Variants in GRHL1 observed in about 807,000 individuals in gnomAD.
GRHL1 encodes grainyhead-like protein 1 homolog.
In GRHL1, 38 loss-of-function variants were observed where a neutral mutation model predicts 75.7. The observed-to-expected ratio is 0.50, with a 90% CI of 0.39 to 0.66. The LOEUF is 0.66. Ranked by LOEUF, GRHL1 falls within the 30% of genes least tolerant of loss-of-function variation. GRHL1 has a pLI of 0.00. For synonymous variants in GRHL1, 266 were observed against 279.4 expected, an observed-to-expected ratio of 0.95 and a Z score of 0.48; for missense variants, 589 against 767.5, an observed-to-expected ratio of 0.77 and a Z score of 2.75.
chr2:9,952,038 C>T (rs928683115), intron 1 of GRHL1, among the ~76,000 whole-genome samples, 185 bp downstream of exon 1: 2 of 151,756 alleles, frequency 1.3e-5, no homozygotes, highest in Admixed American at 6.6e-5. Context: ...GCTCTTTGTT[C>T]GGTCGGAGCC....
At position 9,979,169 on chromosome 2, in the gene GRHL1, G is replaced by GAAAAAAAAAAAAAAAAAAAAAAAAAA. The variant is rs1313941842; in HGVS notation, c.1111-6952_1111-6951insAAAAAAAAAAAAAAAAAAAAAAAAAA. On this transcript the variant is annotated intron_variant, in intron 8 of 15. Transcript: ENST00000324907. ...TCTCTCTCAAAAAAAAAAAAAAAAG[G>GAAAAAAAAAAAAAAAAAAAAAAAAAA]AAACCTTATCCAAACTGTCATAAAG... Among the ~76,000 whole-genome samples, 61 of 74,850 alleles carry GAAAAAAAAAAAAAAAAAAAAAAAAAA rather than the reference G, an allele frequency of 8.1e-4. 1 individual carries two copies. Among genetic ancestry groups the GAAAAAAAAAAAAAAAAAAAAAAAAAA allele is most frequent in the East Asian group, 1.1e-3 (3 of 2,738 alleles). The allele number at this position is 74,850 out of a possible 152,430, so 49.1% of individuals were successfully genotyped here. A position where few individuals can be genotyped will look rare whatever the true frequency, so the allele number is the denominator to read the frequency against.
chr2:9,972,873 T>A (rs918107604), intron 8 of GRHL1, among the ~76,000 whole-genome samples: 1 of 150,036 alleles, frequency 6.7e-6, no homozygotes, highest in Non-Finnish European at 1.5e-5. Flanking sequence ...CCAGAGTGGT[T>A]TTTTTTTCTG....
At chr2:9,981,011 G>A (rs544711959) in intron 8 of GRHL1, among the ~76,000 whole-genome samples, 5 of 152,332 alleles carry the variant, frequency 3.3e-5, no homozygotes, top group African/African-American at 1.2e-4. Flanking sequence ...TTGCTCACTC[G>A]GGGCTGCCCA....
chr2:9,960,979 A>T, intron 3 of GRHL1, 67 bp from the exon 4 acceptor site: 2 of 1,298,466 alleles, frequency 1.5e-6, no homozygotes, highest in Non-Finnish European at 2.1e-6. Flanking sequence ...CAATGCCATT[A>T]GGAAAATAAA....
rs1404255927 is a variant in GRHL1, at chr2:9,993,255, T to C, written c.1499+11T>C. ...ATTGGAGGGTGAAGGGTAAGATTTA[T>C]GTTTTGTTTTGTTTTGTTTTAATAA... On this transcript the variant is annotated intron_variant, in intron 12 of 15. Coordinates refer to ENST00000324907, the MANE Select transcript of GRHL1 (RefSeq NM_198182.3). The C allele has an allele frequency of 1.3e-6, 2 of 1,590,702 alleles. No homozygotes were observed. The highest frequency in any genetic ancestry group is 1.7e-5 in the Admixed American group (1 of 59,982).
At chr2:9,985,311 G>C (rs936425824) in intron 8 of GRHL1, among the ~76,000 whole-genome samples, 1 of 152,164 alleles carries the variant, frequency 6.6e-6, no homozygotes, top group Non-Finnish European at 1.5e-5. Flanking sequence ...ACATCTGTGT[G>C]GAACTTCTTG....
rs1427496184 is a variant in GRHL1 at position 10,001,335 on chromosome 2, A to G, written c.*628A>G. On this transcript the variant is annotated 3_prime_UTR_variant, in exon 16 of 16. Coordinates refer to ENST00000324907, the MANE Select transcript of GRHL1 (RefSeq NM_198182.3). Reference sequence around the variant, plus strand: ...GAATTTTAATGGGTTACAGTATGAAATCAGTTAAGATAAAGCTGCATTGTA... The same window carrying G: ...GAATTTTAATGGGTTACAGTATGAAGTCAGTTAAGATAAAGCTGCATTGTA... 1 of 152,680 alleles carries G rather than the reference A, an allele frequency of 6.5e-6. No individual in the cohort carries two copies. The highest frequency in any genetic ancestry group is 2.4e-5 in the African/African-American group (1 of 41,472). 9.5% of individuals were successfully genotyped at this position (152,680 alleles called of 1,614,324 possible). A position where few individuals can be genotyped will look rare whatever the true frequency, so the allele number is the denominator to read the frequency against.
At chr2:9,986,932 TC>T (rs35562299) in intron 9 of GRHL1, among the ~76,000 whole-genome samples, 1 of 151,932 alleles carries the variant, frequency 6.6e-6, no homozygotes, top group Non-Finnish European at 1.5e-5. Flanking sequence ...GGTCTTGAAC[TC>T]CGGTCCTCAA....
chr2:9,980,374 A>G (rs189321123), intron 8 of GRHL1, among the ~76,000 whole-genome samples: 1 of 151,672 alleles, frequency 6.6e-6, no homozygotes, highest in East Asian at 1.9e-4. Context: ...TATGTAAATC[A>G]TTTTATTTTG....
In GRHL1 at chr2:9,951,753, G is replaced by GCCGCCT; in HGVS notation, c.-78_-73dup. ...CCGCTCCGGACCCGCAGCCGCCGCCGCCGCCTCCTCCCCCCGGATCGGGTG... is the reference window on the plus strand; with the variant it reads ...CCGCTCCGGACCCGCAGCCGCCGCCGCCGCCTCCGCCTCCTCCCCCCGGATCGGGTG... On this transcript the variant is annotated 5_prime_UTR_variant, in exon 1 of 16. Transcript: ENST00000324907. This position sits in a 1 kb window ranked among gnomAD's most constrained non-coding sequence, Gnocchi z 4.2. 4 of 1,335,468 alleles carry GCCGCCT rather than the reference G, an allele frequency of 3.0e-6. No individual in the cohort carries two copies. Among genetic ancestry groups the GCCGCCT allele is most frequent in the Non-Finnish European group, 4.0e-6 (4 of 990,086 alleles). 82.7% of individuals were successfully genotyped at this position (1,335,468 alleles called of 1,614,324 possible).
intron 8 of GRHL1, among the ~76,000 whole-genome samples, chr2:9,984,850 T>C (rs956320861): frequency 6.6e-6 from 1 of 151,330 alleles, no homozygotes; most frequent in Admixed American, 6.6e-5. Context: ...TTGCTTGAGC[T>C]CAGGAGTTGG....
At chr2:9,975,603 C>T (rs950352405) in intron 8 of GRHL1, among the ~76,000 whole-genome samples, 3 of 151,928 alleles carry the variant, frequency 2.0e-5, no homozygotes, top group Non-Finnish European at 4.4e-5. Flanking sequence ...ACAGGCCGGG[C>T]GCGGTGGCTC....
At position 9,963,907 on chromosome 2, in the gene GRHL1, A is replaced by G. The variant is rs1268265338; in HGVS notation, c.768A>G (p.Leu256=). ...SVSGNNFEYT[L]EASKSLRQKP... ...TTAGGAACAACTTTGAATATACCCT[A>G]GAAGCTTCAAAATCACTTCGACAGA... Residue 256 remains leucine (L), a synonymous_variant, in exon 6 of 16, where the codon CTA becomes CTG. Transcript: ENST00000324907. The G allele has an allele frequency of 3.7e-6, 6 of 1,613,382 alleles. No homozygotes were observed. The highest frequency in any genetic ancestry group is 1.1e-5 in the South Asian group (1 of 91,066).
chr2:9,992,552 A>T lies in GRHL1; in HGVS notation c.1461+406A>T, dbSNP rs1668687895. 6.6e-6 allele frequency among the ~76,000 whole-genome samples: 1 copy of T among 152,182 alleles called. No individual in the cohort carries two copies. Among genetic ancestry groups the T allele is most frequent in the Non-Finnish European group, 1.5e-5 (1 of 68,032 alleles). On this transcript the variant is annotated intron_variant, in intron 11 of 15. Transcript: ENST00000324907. The surrounding 1 kb of genome is among the most constrained non-coding windows in gnomAD (Gnocchi z 4.6). ...ATCCGAAGGCTTTTCTCACAGTTCC[A>T]GTTACTGAGCCGTCCTTGCCACGTG...
At chr2:9,954,864 C>A in intron 1 of GRHL1, 51 bp from the exon 2 acceptor site, 1 of 1,394,928 alleles carries the variant, frequency 7.2e-7, no homozygotes, top group Non-Finnish European at 1.0e-6. Context: ...GCTTATGATA[C>A]CTTGCAGTAG....
chr2:9,976,308 G>T (rs1162264683), intron 8 of GRHL1, among the ~76,000 whole-genome samples: 3 of 152,170 alleles, frequency 2.0e-5, no homozygotes, highest in Non-Finnish European at 2.9e-5. Flanking sequence ...CTCGGCGGGG[G>T]TGGTGGTGGG....
In GRHL1 at chr2:9,999,081, A is replaced by G. The variant is rs776692519; in HGVS notation, c.1742+52A>G. The G allele has an allele frequency of 4.4e-6, 4 of 912,902 alleles. No individual in the cohort carries two copies. In the South Asian group the frequency reaches 4.8e-5, roughly 11 times the overall value. 56.6% of individuals were successfully genotyped at this position (912,902 alleles called of 1,614,324 possible). The stretch of plus-strand genomic sequence containing the variant: ...CTCGGAAAGTGCTGATGCCCCCCGC[A>G]GTGCTAGTGTGACGCACCCCCCAGT... On this transcript the variant is annotated intron_variant, in intron 15 of 15. Coordinates refer to ENST00000324907, the MANE Select transcript of GRHL1 (RefSeq NM_198182.3).
Position 10,000,770 on chromosome 2 carries a change from C to T in GRHL1, c.*63C>T. ...GGTGTTTCTAGATCTTACGGTTTGG[C>T]AACTGCAGGTAACCCCAGTCAGCCA... On this transcript the variant is annotated 3_prime_UTR_variant, in exon 16 of 16. Transcript: ENST00000324907. 2 of 883,944 alleles carry T rather than the reference C, an allele frequency of 2.3e-6. No individual in the cohort carries two copies. Among genetic ancestry groups the T allele is most frequent in the Non-Finnish European group, 3.8e-6 (2 of 533,316 alleles). The allele number at this position is 883,944 out of a possible 1,614,324, so 54.8% of individuals were successfully genotyped here. A position where few individuals can be genotyped will look rare whatever the true frequency, so the allele number is the denominator to read the frequency against.
At position 9,968,233 on chromosome 2, in the gene GRHL1, A is replaced by G. The variant is rs1165001828; in HGVS notation, c.1110+2852A>G. The stretch of plus-strand genomic sequence containing the variant: ...CCTATCTTACACTGGCCCTGTGTGC[A>G]CTCCATTCATCACCATAAACATATG... On this transcript the variant is annotated intron_variant, in intron 8 of 15. Coordinates refer to ENST00000324907, the MANE Select transcript of GRHL1 (RefSeq NM_198182.3). This position sits in a 1 kb window ranked among gnomAD's most constrained non-coding sequence, Gnocchi z 4.7. Among the ~76,000 whole-genome samples, 10 of 152,192 alleles carry G rather than the reference A, an allele frequency of 6.6e-5. No homozygotes were observed. The highest frequency in any genetic ancestry group is 2.9e-5 in the Non-Finnish European group (2 of 68,034).
Sources: gnomAD v4.1 joint callset for allele counts (sites outside exome capture counted in the v4.1 genomes callset) on GRCh38, gnomAD v4.1.1 for gene constraint, Gnocchi (gnomAD v3.1) non-coding constraint, MANE v1.5 for transcripts, NCBI Gene and HGNC (gene_info 2026-07-23, HGNC 2026-07-21) for gene names.